The following PCED1A variants were observed in gnomAD, a reference collection of about 807,000 sequenced individuals.
The protein encoded by PCED1A is PC-esterase domain-containing protein 1A.
Under a neutral mutation model 41.9 loss-of-function variants are expected in PCED1A, and 20 were observed. The ratio of observed to expected loss-of-function variants is 0.48; its 90% CI spans 0.34 to 0.69. The LOEUF is 0.69. Ranked by LOEUF, PCED1A falls within the 30% of genes least tolerant of loss-of-function variation. PCED1A has a pLI of 0.01. For missense variants in PCED1A, 498 were observed against 602.1 expected, an observed-to-expected ratio of 0.83 and a Z score of 1.81; for synonymous variants, 236 against 241.3, an observed-to-expected ratio of 0.98 and a Z score of 0.20.
At chr20:2,839,167 G>A (rs771542382) in intron 3 of PCED1A, 25 bp downstream of exon 3, 2 of 1,534,642 alleles carry the variant, frequency 1.3e-6, no homozygotes, top group Admixed American at 1.9e-5. Flanking sequence ...ACCCACCACT[G>A]ACATGGCCAC....
chr20:2,836,534 C>A (rs1036687891), intron 6 of PCED1A, among the ~76,000 whole-genome samples: 1 of 152,184 alleles, frequency 6.6e-6, no homozygotes, highest in African/African-American at 2.4e-5. Flanking sequence ...TTTGTTCTAA[C>A]CTACACTTCC....
upstream of PCED1A, chr20:2,840,722 C>A: frequency 6.5e-7 from 1 of 1,534,660 alleles, no homozygotes; most frequent in Non-Finnish European, 8.8e-7. Context: ...GGCCTGGAGC[C>A]CGCTCTAGGT....
rs925188663 is a variant in PCED1A, at chr20:2,840,221, G to A, written c.-32C>T. 6 of 278,106 alleles carry A rather than the reference G, an allele frequency of 2.2e-5. No individual in the cohort carries two copies. Among genetic ancestry groups the A allele is most frequent in the African/African-American group, 4.5e-5 (2 of 44,850 alleles). 17.2% of individuals were successfully genotyped at this position (278,106 alleles called of 1,614,324 possible). A position where few individuals can be genotyped will look rare whatever the true frequency, so the allele number is the denominator to read the frequency against. On this transcript the variant is annotated 5_prime_UTR_variant, in exon 1 of 8. Coordinates refer to ENST00000360652, the MANE Select transcript of PCED1A (RefSeq NM_022760.6). ...GCTCGCGCCAATTACCAAGTCCCGG[G>A]GCTCCGCGGTGTTCACCCGCGACCC...
intron 2 of PCED1A, 142 bp downstream of exon 2, chr20:2,839,647 T>G: frequency 8.2e-7 from 1 of 1,223,278 alleles, no homozygotes; most frequent in Non-Finnish European, 1.1e-6. Context: ...GGAAGATGTG[T>G]GGGACATAAA....
At position 2,838,804 on chromosome 20, in the gene PCED1A, T is replaced by C; in HGVS notation, c.443+40A>G. The C allele has an allele frequency of 6.2e-7, 1 of 1,614,160 alleles. No individual in the cohort carries two copies. The highest frequency in any genetic ancestry group is 8.5e-7 in the Non-Finnish European group (1 of 1,180,004). The stretch of plus-strand genomic sequence containing the variant: ...CAAGGGTGGACTGCCTCAGCCGTAC[T>C]TCCAGCCCCAACCAGTATTCCCCTT... On this transcript the variant is annotated intron_variant, in intron 4 of 7. Transcript: ENST00000360652. This position sits in a 1 kb window ranked among gnomAD's most constrained non-coding sequence, Gnocchi z 5.8.
chr20:2,839,711 T>A, intron 2 of PCED1A, 78 bp downstream of exon 2: 1 of 1,564,324 alleles, frequency 6.4e-7, no homozygotes, highest in Non-Finnish European at 8.7e-7. Context: ...AGATGTGAGA[T>A]GGAAACAAAT....
rs765307865 is a variant in PCED1A, at chr20:2,839,834, G to A, written c.79C>T (p.Gln27Ter). 20 of 1,614,060 alleles carry A rather than the reference G, an allele frequency of 1.2e-5. No individual in the cohort carries two copies. Residue 27 changes from glutamine (Q) to a stop codon, truncating the protein, a stop_gained, in exon 2 of 8, where the codon CAG (glutamine) becomes TAG (stop). Coordinates refer to ENST00000360652, the MANE Select transcript of PCED1A (RefSeq NM_022760.6). LOFTEE classifies it high-confidence loss of function. ...ACGAACTTGTTGTGTAGCAGCTGCT[G>A]GACTTCCGAGGCCTGGAAGTGGACC... ...DMVHFQASEVQQLLHNKFVVI... is the reference protein window; with the variant it reads ...DMVHFQASEV
chr20:2,837,234 G>A (rs1349885158), intron 6 of PCED1A, among the ~76,000 whole-genome samples: 1 of 152,124 alleles, frequency 6.6e-6, no homozygotes, highest in Non-Finnish European at 1.5e-5. Context: ...ACCAAAATCT[G>A]TATTCACCTC....
rs530498520 is a variant in PCED1A at position 2,840,612 on chromosome 20, C to A, written c.-423G>T. 96 of 755,572 alleles carry A rather than the reference C, an allele frequency of 1.3e-4. No individual in the cohort carries two copies. In the East Asian group the frequency reaches 1.8e-3, roughly 14 times the overall value. The allele number at this position is 755,572 out of a possible 1,614,324, so 46.8% of individuals were successfully genotyped here. On this transcript the variant is annotated 5_prime_UTR_variant, in exon 1 of 8. Transcript: ENST00000360652. ...GGCGGGCGCGAAGCCCAGGTACGGG[C>A]TGGGGTCTCGGGGCGGCAGCCAAGT...
At chr20:2,837,734 A>T (rs1413696655) in intron 6 of PCED1A, among the ~76,000 whole-genome samples, 1 of 152,166 alleles carries the variant, frequency 6.6e-6, no homozygotes, top group Non-Finnish European at 1.5e-5. Context: ...AGGCTGAACT[A>T]AGAAGCCTAT....
intron 6 of PCED1A, among the ~76,000 whole-genome samples, chr20:2,837,315 C>G (rs2146607556): frequency 6.6e-6 from 1 of 152,252 alleles, no homozygotes; most frequent in East Asian, 1.9e-4. Context: ...CTCTCTGTGC[C>G]CCCACATCCT....
intron 1 of PCED1A, 42 bp from the exon 2 acceptor site, chr20:2,839,975 T>C (rs1462772251): frequency 5.1e-6 from 8 of 1,555,282 alleles, no homozygotes; most frequent in South Asian, 1.2e-5. Flanking sequence ...GTGGGGACTC[T>C]GGGCAGGTCA....
In PCED1A at chr20:2,839,041, G is replaced by GC. The variant is rs2088890224; in HGVS notation, c.245dup (p.Gln83ProfsTer13). 6.2e-7 allele frequency: 1 copy of GC among 1,613,244 alleles called. No homozygotes were observed. Among genetic ancestry groups the GC allele is most frequent in the African/African-American group, 1.3e-5 (1 of 74,880 alleles). On this transcript the variant is annotated frameshift_variant, in exon 4 of 8. Coordinates refer to ENST00000360652, the MANE Select transcript of PCED1A (RefSeq NM_022760.6). LOFTEE classifies it high-confidence loss of function. ...TCCCGTTGTGCAGCTCGCCCAGCTG[G>GC]CCCCCAGCCACCAGCTGGTCCTGTT...
In PCED1A at chr20:2,838,797, G is replaced by A. The variant is rs200026517; in HGVS notation, c.443+47C>T. 1.9e-6 allele frequency: 3 copies of A among 1,614,172 alleles called. No individual in the cohort carries two copies. In the South Asian group the frequency reaches 3.3e-5, roughly 18 times the overall value. Reference sequence around the variant, plus strand: ...AAGAGCACAAGGGTGGACTGCCTCAGCCGTACTTCCAGCCCCAACCAGTAT... The same window carrying A: ...AAGAGCACAAGGGTGGACTGCCTCAACCGTACTTCCAGCCCCAACCAGTAT... On this transcript the variant is annotated intron_variant, in intron 4 of 7. Transcript: ENST00000360652. The surrounding 1 kb of genome is among the most constrained non-coding windows in gnomAD (Gnocchi z 5.8).
At position 2,835,370 on chromosome 20, in the gene PCED1A, C is replaced by G. The variant is rs2088802852; in HGVS notation, c.*92G>C. The stretch of plus-strand genomic sequence containing the variant: ...GTGACAGCAATGGACAAGAACAATA[C>G]CAGGCATAGCAGACACCCTAGCCCA... On this transcript the variant is annotated 3_prime_UTR_variant, in exon 8 of 8. Transcript: ENST00000360652. 1 of 1,451,538 alleles carries G rather than the reference C, an allele frequency of 6.9e-7. No individual in the cohort carries two copies. Among genetic ancestry groups the G allele is most frequent in the Admixed American group, 2.3e-5 (1 of 42,730 alleles). 89.9% of individuals were successfully genotyped at this position (1,451,538 alleles called of 1,614,324 possible).
chr20:2,839,721 T>C (rs2088914109), intron 2 of PCED1A, 68 bp downstream of exon 2: 1 of 1,575,550 alleles, frequency 6.3e-7, no homozygotes, highest in Admixed American at 1.8e-5. Flanking sequence ...TGGAAACAAA[T>C]GGTCCAGACA....
upstream of PCED1A, chr20:2,840,910 G>A (rs1054622477): frequency 3.0e-6 from 4 of 1,338,138 alleles, no homozygotes; most frequent in East Asian, 2.7e-5. Context: ...GTTCGCCCCT[G>A]TCACTACTGG....
At chr20:2,839,158 C>CCCA (rs2088896187) in intron 3 of PCED1A, 34 bp downstream of exon 3, 2 of 1,606,948 alleles carry the variant, frequency 1.2e-6, no homozygotes, top group Non-Finnish European at 1.7e-6. Flanking sequence ...TCTGTGCCCA[C>CCCA]CCACCACTGA....
chr20:2,840,664 C>T, upstream of PCED1A: 1 of 1,221,172 alleles, frequency 8.2e-7, no homozygotes, highest in Admixed American at 2.0e-5. Flanking sequence ...GTGATGGCCG[C>T]GGCGGCGGCC....
Sources: gnomAD v4.1 joint callset for allele counts (sites outside exome capture counted in the v4.1 genomes callset) on GRCh38, gnomAD v4.1.1 for gene constraint, Gnocchi (gnomAD v3.1) non-coding constraint, MANE v1.5 for transcripts, NCBI Gene and HGNC (gene_info 2026-07-23, HGNC 2026-07-21) for gene names.